Variants in ZFHX3 observed in about 807,000 individuals in gnomAD.
The protein encoded by ZFHX3 is zinc finger homeobox protein 3.
In ZFHX3, 42 loss-of-function variants were observed where a neutral mutation model predicts 279.1. The observed-to-expected ratio is 0.15, with a 90% CI of 0.12 to 0.19. The LOEUF is 0.19. Among genes scored for constraint, ZFHX3 ranks in the 10% least tolerant of loss-of-function variants. ZFHX3 has a pLI of 1.00. For missense variants in ZFHX3, 4,981 were observed against 4,754.0 expected (o/e 1.05, Z -1.40); for synonymous variants, 2,293 against 1,957.8 (o/e 1.17, Z -4.52).
chr16:73,678,114 A>G (rs2052973015), intron 2 of ZFHX3, among the ~76,000 whole-genome samples: 1 of 152,190 alleles, frequency 6.6e-6, no homozygotes, highest in African/African-American at 2.4e-5. Context: ...AATTACTGAA[A>G]TCACATAAAC....
chr16:73,551,864 A>G (rs1222929738), intron 2 of ZFHX3, among the ~76,000 whole-genome samples: 1 of 152,216 alleles, frequency 6.6e-6, no homozygotes, highest in Non-Finnish European at 1.5e-5. Flanking sequence ...GAGGTGTTAG[A>G]GTAACTTGTT....
chr16:73,725,996 T>A (rs1284673671), intron 1 of ZFHX3, among the ~76,000 whole-genome samples: 4 of 152,178 alleles, frequency 2.6e-5, no homozygotes, highest in Non-Finnish European at 5.9e-5. Context: ...ATAGGTTTCA[T>A]TGCTTCAAGG....
At chr16:73,299,682 G>A (rs185677547) in intron 4 of ZFHX3, among the ~76,000 whole-genome samples, 280 of 152,312 alleles carry the variant, frequency 1.8e-3, no homozygotes, top group African/African-American at 6.1e-3. Flanking sequence ...ACCTGGGCCC[G>A]CAAAGGGCAG....
At chr16:73,536,902 A>G (rs2019911580) in intron 2 of ZFHX3, among the ~76,000 whole-genome samples, 1 of 152,192 alleles carries the variant, frequency 6.6e-6, no homozygotes, top group Non-Finnish European at 1.5e-5. Context: ...GGGAAGATGT[A>G]TTTGCATAGG....
chr16:73,384,398 A>AG (rs1049476266), intron 3 of ZFHX3, among the ~76,000 whole-genome samples: 80 of 152,338 alleles, frequency 5.3e-4, no homozygotes, highest in African/African-American at 1.9e-3. Context: ...AGCAGGTCTG[A>AG]GGTGAGGTCA....
chr16:73,806,461 TAC>T (rs1180475924), intron 1 of ZFHX3, among the ~76,000 whole-genome samples: 1 of 152,112 alleles, frequency 6.6e-6, no homozygotes, highest in East Asian at 1.9e-4. Context: ...CTCCGCTGAA[TAC>T]AGTGTTGGCC....
chr16:73,316,379 T>C (rs755425721), intron 4 of ZFHX3, among the ~76,000 whole-genome samples: 41 of 152,198 alleles, frequency 2.7e-4, no homozygotes, highest in South Asian at 6.2e-4. Context: ...TGCCCCTTTA[T>C]GTCCACCCCA....
At chr16:73,775,480 A>G (rs1472951845) in intron 1 of ZFHX3, among the ~76,000 whole-genome samples, 2 of 152,000 alleles carry the variant, frequency 1.3e-5, no homozygotes, top group Non-Finnish European at 2.9e-5. Context: ...AGGGCCCCAA[A>G]CCCTCATTTC....
chr16:73,322,247 T>C (rs772132956), intron 3 of ZFHX3, among the ~76,000 whole-genome samples: 51 of 149,044 alleles, frequency 3.4e-4, no homozygotes, highest in Non-Finnish European at 5.9e-5. Flanking sequence ...CAGAAAGCAC[T>C]GAAAAGAGAG....
At chr16:72,909,451 A>G (rs891816241) in intron 3 of ZFHX3, among the ~76,000 whole-genome samples, 1 of 152,184 alleles carries the variant, frequency 6.6e-6, no homozygotes, top group African/African-American at 2.4e-5. Flanking sequence ...CCCCGTAACA[A>G]ATTTATACAA....
At chr16:73,029,588 A>C (rs1964623490) in intron 1 of ZFHX3, among the ~76,000 whole-genome samples, 1 of 152,210 alleles carries the variant, frequency 6.6e-6, no homozygotes, top group Non-Finnish European at 1.5e-5. Flanking sequence ...TAGAGAGAAA[A>C]CAGCATTTAT....
At chr16:73,309,816 G>C (rs966516770) in intron 4 of ZFHX3, among the ~76,000 whole-genome samples, 4 of 151,872 alleles carry the variant, frequency 2.6e-5, no homozygotes, top group African/African-American at 9.7e-5. Context: ...CAAGTAGTCT[G>C]AGACCTGTGA....
intron 2 of ZFHX3, among the ~76,000 whole-genome samples, chr16:73,622,561 C>A (rs2052373842): frequency 6.9e-6 from 1 of 145,434 alleles, no homozygotes. Flanking sequence ...GACTCTGTCT[C>A]CAAAAAAGAA....
At chr16:72,998,189 T>A (rs1367179731) in intron 1 of ZFHX3, among the ~76,000 whole-genome samples, 3 of 152,096 alleles carry the variant, frequency 2.0e-5, no homozygotes, top group Non-Finnish European at 4.4e-5. Context: ...TTACCTGAGG[T>A]CGGGAGTTTG....
chr16:73,149,522 C>T (rs1966890603), intron 5 of ZFHX3, among the ~76,000 whole-genome samples: 1 of 152,104 alleles, frequency 6.6e-6, no homozygotes, highest in African/African-American at 2.4e-5. Context: ...AACCAAAGTC[C>T]ATGCGCTACC....
At chr16:73,311,242 A>C (rs1193151579) in intron 4 of ZFHX3, among the ~76,000 whole-genome samples, 3 of 151,880 alleles carry the variant, frequency 2.0e-5, no homozygotes, top group Middle Eastern at 3.4e-3. Flanking sequence ...TCCCTCCACA[A>C]AAAAAAACAA....
At chr16:72,935,799 T>C (rs114877935) in intron 3 of ZFHX3, among the ~76,000 whole-genome samples, 2,842 of 151,666 alleles carry the variant, frequency 0.019, 44 homozygotes, top group Middle Eastern at 0.056. Flanking sequence ...ATAGTCTACC[T>C]AATATCCCCA....
intron 2 of ZFHX3, among the ~76,000 whole-genome samples, chr16:73,630,948 C>T (rs1408925362): frequency 2.0e-5 from 3 of 152,162 alleles, no homozygotes; most frequent in Non-Finnish European, 2.9e-5. Context: ...TGTTTTAACT[C>T]GGTAATAAGA....
intron 1 of ZFHX3, among the ~76,000 whole-genome samples, chr16:73,757,191 G>T (rs532392030): frequency 2.0e-5 from 3 of 152,250 alleles, no homozygotes; most frequent in Non-Finnish European, 2.9e-5. Context: ...GGGAAGGGTT[G>T]CCTGTAACAT....
Sources: gnomAD v4.1 joint callset for allele counts (sites outside exome capture counted in the v4.1 genomes callset) on GRCh38, gnomAD v4.1.1 for gene constraint, MANE v1.5 for transcripts, NCBI Gene and HGNC (gene_info 2026-07-23, HGNC 2026-07-21) for gene names.